Variants in CGNL1 observed in about 807,000 individuals in gnomAD.
CGNL1 encodes the protein cingulin like 1, also known as cingulin-like protein 1.
A neutral mutation model predicts 141.2 loss-of-function variants in CGNL1; 132 were observed. That is an observed-to-expected ratio of 0.93 (90% CI 0.81 to 1.08). The LOEUF (loss-of-function observed/expected upper bound fraction) is 1.08. CGNL1 is among the 50% of genes least tolerant of loss of function. The pLI, the probability that CGNL1 is intolerant of heterozygous loss-of-function variation, is 0.00. For synonymous variants in CGNL1, 690 were observed against 622.1 expected, an observed-to-expected ratio of 1.11 and a Z score of -1.63; for missense variants, 1,870 against 1,588.6, an observed-to-expected ratio of 1.18 and a Z score of -3.01.
intron 8 of CGNL1, among the ~76,000 whole-genome samples, chr15:57,509,020 A>C (rs866851998): frequency 4.6e-5 from 7 of 152,222 alleles, no homozygotes; most frequent in Non-Finnish European, 1.0e-4. Flanking sequence ...ACCTTTGCTC[A>C]GGTGAGGGGG....
chr15:57,508,160 A>G (rs1446282640), intron 8 of CGNL1, among the ~76,000 whole-genome samples: 4 of 151,824 alleles, frequency 2.6e-5, no homozygotes, highest in African/African-American at 4.8e-5. Context: ...CATCTCTCCC[A>G]TGCACTATTT....
intron 8 of CGNL1, among the ~76,000 whole-genome samples, chr15:57,499,238 CTTTTTTT>C (rs201081475): frequency 1.4e-4 from 13 of 91,846 alleles, no homozygotes; most frequent in African/African-American, 3.5e-4. Flanking sequence ...AAGTTAATGG[CTTTTTTT>C]TTTTTTTTTT....
At chr15:57,499,816 G>C (rs1477661083) in intron 8 of CGNL1, among the ~76,000 whole-genome samples, 5 of 152,232 alleles carry the variant, frequency 3.3e-5, no homozygotes, top group African/African-American at 1.2e-4. Context: ...CCAGTACAAA[G>C]AGGAATGTGT....
intron 14 of CGNL1, among the ~76,000 whole-genome samples, chr15:57,536,125 C>T (rs2414513): frequency 0.34 from 52,052 of 151,984 alleles, 9,716 homozygotes; most frequent in Middle Eastern, 0.46. Flanking sequence ...TCTTACATGG[C>T]GGCAGGCAAA....
intron 8 of CGNL1, among the ~76,000 whole-genome samples, chr15:57,481,073 T>G (rs1404903191): frequency 2.6e-5 from 4 of 151,188 alleles, no homozygotes; most frequent in Middle Eastern, 3.4e-3. Context: ...GGTTTTTTTT[T>G]TTTTTTTTTT....
intron 8 of CGNL1, among the ~76,000 whole-genome samples, chr15:57,512,466 T>C (rs2030396411): frequency 1.3e-5 from 2 of 152,104 alleles, no homozygotes; most frequent in South Asian, 2.1e-4. Flanking sequence ...TTTGTAAGCA[T>C]AATGTGAAGA....
intron 1 of CGNL1, among the ~76,000 whole-genome samples, chr15:57,383,287 T>C (rs1351570799): frequency 4.3e-5 from 6 of 140,394 alleles, no homozygotes; most frequent in Non-Finnish European, 6.1e-5. Context: ...AAGATTTCTT[T>C]CTTCCTTTTT....
At chr15:57,493,330 G>A (rs894616594) in intron 8 of CGNL1, among the ~76,000 whole-genome samples, 25 of 152,100 alleles carry the variant, frequency 1.6e-4, no homozygotes, top group African/African-American at 6.0e-4. Context: ...AGGAGATTTG[G>A]GCCACAGACA....
chr15:57,456,573 A>C lies in CGNL1; in HGVS notation c.2190+2755A>C, dbSNP rs764012946. ...AACACTTTCTTAGAGTAAACCATAA[A>C]ATTGACCAACAAAGGGTTGACTTTG... is the stretch of plus-strand genomic sequence containing the variant. On this transcript the variant is annotated intron_variant, in intron 7 of 18. Transcript: ENST00000281282. Among the ~76,000 whole-genome samples, 71 of 152,196 alleles carry C rather than the reference A, an allele frequency of 4.7e-4. 2 individuals carry two copies. Among genetic ancestry groups the C allele is most frequent in the Non-Finnish European group, 2.1e-4 (14 of 68,028 alleles).
intron 10 of CGNL1, among the ~76,000 whole-genome samples, chr15:57,522,227 T>C (rs1316012099): frequency 6.6e-6 from 1 of 152,238 alleles, no homozygotes; most frequent in Admixed American, 6.5e-5. Context: ...GTCGGCCACG[T>C]TGGCTGCTTC....
intron 5 of CGNL1, 52 bp downstream of exon 5, chr15:57,451,653 A>G (rs766704074): frequency 1.0e-5 from 14 of 1,390,564 alleles, no homozygotes; most frequent in Admixed American, 1.9e-5. Context: ...TTGGTTGATA[A>G]AGAATATTTT....
intron 8 of CGNL1, among the ~76,000 whole-genome samples, chr15:57,479,805 G>A (rs1230108412): frequency 6.6e-6 from 1 of 152,172 alleles, no homozygotes; most frequent in Non-Finnish European, 1.5e-5. Context: ...GGAGAAAAGT[G>A]CAAAGGGATA....
chr15:57,451,618 T>G lies in CGNL1; in HGVS notation c.1905+17T>G. On this transcript the variant is annotated intron_variant, in intron 5 of 18. Transcript: ENST00000281282. ...GAAGTCAAGGTATCTGGTTTTTCCT[T>G]TATGTTATTTTTTCCATTTCTGTCT... is the stretch of plus-strand genomic sequence containing the variant. 6.4e-7 allele frequency: 1 copy of G among 1,550,754 alleles called. No homozygotes were observed. The highest frequency in any genetic ancestry group is 8.9e-7 in the Non-Finnish European group (1 of 1,128,316).
Position 57,437,970 on chromosome 15 carries a change from A to G in CGNL1, c.-15-15A>G, listed in dbSNP as rs114236402. The G allele has an allele frequency of 3.1e-6, 5 of 1,590,602 alleles. No homozygotes were observed. Among genetic ancestry groups the G allele is most frequent in the Middle Eastern group, 1.7e-4 (1 of 5,998 alleles). ...TAACCTAATGTCCTCTTTTTACCCC[A>G]TCTCTCCCTGGTAGCTGGAACAGTG... On this transcript the variant is annotated splice_polypyrimidine_tract_variant and intron_variant, in intron 1 of 18. Coordinates refer to ENST00000281282, the MANE Select transcript of CGNL1 (RefSeq NM_032866.5).
intron 8 of CGNL1, among the ~76,000 whole-genome samples, chr15:57,501,541 G>A (rs2064024870): frequency 6.6e-6 from 1 of 152,210 alleles, no homozygotes; most frequent in Non-Finnish European, 1.5e-5. Context: ...GCATAGCCTG[G>A]CATGGGATGG....
chr15:57,398,175 T>G (rs1320983146), intron 1 of CGNL1, among the ~76,000 whole-genome samples: 3 of 152,236 alleles, frequency 2.0e-5, no homozygotes, highest in Admixed American at 1.3e-4. Context: ...CAGAAAAGTA[T>G]AAGATGAAAA....
chr15:57,469,552 T>C (rs1314710312), intron 8 of CGNL1, among the ~76,000 whole-genome samples: 1 of 151,958 alleles, frequency 6.6e-6, no homozygotes, highest in Non-Finnish European at 1.5e-5. Flanking sequence ...TTGGGGGAGT[T>C]TCTAAAAGAA....
chr15:57,439,672 T>A, intron 2 of CGNL1, 71 bp downstream of exon 2: 1 of 1,422,360 alleles, frequency 7.0e-7, no homozygotes, highest in Non-Finnish European at 9.6e-7. Context: ...GTACTTATGC[T>A]GCAGGAGGCC....
Position 57,438,663 on chromosome 15 carries a change from G to T in CGNL1, c.664G>T (p.Val222Leu). 6.2e-7 allele frequency: 1 copy of T among 1,614,076 alleles called. No individual in the cohort carries two copies. The highest frequency in any genetic ancestry group is 8.5e-7 in the Non-Finnish European group (1 of 1,180,022). Residue 222 changes from valine (V) to leucine (L), a missense_variant, in exon 2 of 19, where the codon GTG becomes TTG. Transcript: ENST00000281282. The stretch of plus-strand genomic sequence containing the variant: ...GACAGCTATTCGTTTATGCAGCTCC[G>T]TGGTCATAGAGGACCCCAAAAAGCA... ...GVTAIRLCSS[V>L]VIEDPKKQTS...
Sources: allele counts gnomAD v4.1 joint callset (sites outside exome capture counted in the v4.1 genomes callset), GRCh38; gene constraint gnomAD v4.1.1; transcripts MANE v1.5; gene names NCBI Gene and HGNC (gene_info 2026-07-23, HGNC 2026-07-21).